LMNA: variants seen among roughly 807,000 people sequenced by gnomAD.
LMNA encodes lamin.
Under a neutral mutation model 70.4 loss-of-function variants are expected in LMNA, and 20 were observed. The ratio of observed to expected loss-of-function variants is 0.28; its 90% CI spans 0.20 to 0.41. The LOEUF is 0.41. Ranked by LOEUF, LMNA falls within the 10% of genes least tolerant of loss-of-function variation. The probability of loss-of-function intolerance (pLI) is 1.00; values close to 1 mark genes in which losing one functional copy is unlikely to be tolerated. For synonymous variants in LMNA, 339 were observed against 372.8 expected, an observed-to-expected ratio of 0.91 and a Z score of 1.04; for missense variants, 652 against 917.2, an observed-to-expected ratio of 0.71 and a Z score of 3.73.
At chr1:156,112,232 T>C (rs555879452), upstream of LMNA, among the ~76,000 whole-genome samples, 41 of 152,028 alleles carry the variant, frequency 2.7e-4, no homozygotes, top group Non-Finnish European at 4.3e-4. Context: ...TTGGGCAACA[T>C]AGCAAGGCTC....
rs201233721 is a variant in LMNA, at chr1:156,136,473, C to T, written c.1380+37C>T. On this transcript the variant is annotated intron_variant, in intron 7 of 11. Transcript: ENST00000368300. This position sits in a 1 kb window ranked among gnomAD's most constrained non-coding sequence, Gnocchi z 6.1. ...CTCAGGGTCTAAGGGGATACAGCTG[C>T]ATCAGGGAGAGAGTGGCAAGACAGA... 383 of 1,531,460 alleles carry T rather than the reference C, an allele frequency of 2.5e-4. No homozygotes were observed. The African/African-American group carries it at 4.6e-3, about 18-fold the overall frequency. The allele number at this position is 1,531,460 out of a possible 1,614,324, so 94.9% of individuals were successfully genotyped here.
At position 156,136,442 on chromosome 1, in the gene LMNA, C is replaced by A; in HGVS notation, c.1380+6C>A. The A allele has an allele frequency of 5.1e-6, 8 of 1,564,762 alleles. No homozygotes were observed. The highest frequency in any genetic ancestry group is 6.9e-6 in the Non-Finnish European group (8 of 1,155,258). Reference sequence around the variant, plus strand: ...TGCGCAACAAGTCCAATGAGGTAGGCTCCTGCTCAGGGTCTAAGGGGATAC... The same window carrying A: ...TGCGCAACAAGTCCAATGAGGTAGGATCCTGCTCAGGGTCTAAGGGGATAC... On this transcript the variant is annotated splice_donor_region_variant and intron_variant, in intron 7 of 11. Transcript: ENST00000368300. The surrounding 1 kb of genome is among the most constrained non-coding windows in gnomAD (Gnocchi z 6.1).
At chr1:156,131,071 A>T (rs1651024230) in intron 2 of LMNA, among the ~76,000 whole-genome samples, 2 of 152,086 alleles carry the variant, frequency 1.3e-5, no homozygotes, top group African/African-American at 4.8e-5. Flanking sequence ...GGAGATCGAG[A>T]TCATCCTGAC....
At chr1:156,093,728 GA>G (rs974748815) in intron 3 of LMNA, 14 of 152,318 alleles carry the variant, frequency 9.2e-5, no homozygotes, top group African/African-American at 3.4e-4. Context: ...AGCTCTTTGA[GA>G]ACAGGGATTG....
At chr1:156,120,619 G>T (rs139860915) in intron 1 of LMNA, among the ~76,000 whole-genome samples, 1 of 152,100 alleles carries the variant, frequency 6.6e-6, no homozygotes, top group East Asian at 1.9e-4. Flanking sequence ...AAGCTGAGGC[G>T]GGAGGATCAC....
chr1:156,131,010 G>A (rs1236883791), intron 2 of LMNA, among the ~76,000 whole-genome samples: 2 of 152,136 alleles, frequency 1.3e-5, no homozygotes, highest in Non-Finnish European at 2.9e-5. Flanking sequence ...GGTGGTTCAC[G>A]CCTGTAATCC....
rs1330702489 is a variant in LMNA at position 156,139,630 on chromosome 1, C to T, written c.*524C>T. On this transcript the variant is annotated 3_prime_UTR_variant, in exon 12 of 12. Transcript: ENST00000368300. ...GGACAGCTTGAGCCGGGCCCCTGGG[C>T]TTGGCCTGCTGTGATTCCACTACAC... is the stretch of plus-strand genomic sequence containing the variant. 1 of 1,451,106 alleles carries T rather than the reference C, an allele frequency of 6.9e-7. No homozygotes were observed. The highest frequency in any genetic ancestry group is 1.4e-5 in the African/African-American group (1 of 69,478). 89.9% of individuals were successfully genotyped at this position (1,451,106 alleles called of 1,614,324 possible). A position where few individuals can be genotyped will look rare whatever the true frequency, so the allele number is the denominator to read the frequency against.
In LMNA at chr1:156,138,095, A is replaced by G; in HGVS notation, c.1698+352A>G. On this transcript the variant is annotated intron_variant, in intron 10 of 11. Coordinates refer to ENST00000368300, the MANE Select transcript of LMNA (RefSeq NM_170707.4). The surrounding 1 kb of genome is among the most constrained non-coding windows in gnomAD (Gnocchi z 5.5). Reference sequence around the variant, plus strand: ...TCTCCCCCATTCTTGTTGCATGCATATCCTCTCATTTCCCTCATTTTTCCT... The same window carrying G: ...TCTCCCCCATTCTTGTTGCATGCATGTCCTCTCATTTCCCTCATTTTTCCT... The G allele has an allele frequency of 4.2e-6, 2 of 479,740 alleles. No homozygotes were observed. The highest frequency in any genetic ancestry group is 4.4e-5 in the South Asian group (2 of 45,920). 29.7% of individuals were successfully genotyped at this position (479,740 alleles called of 1,614,324 possible).
intron 1 of LMNA, among the ~76,000 whole-genome samples, chr1:156,125,331 C>G (rs1650477137): frequency 6.6e-6 from 1 of 152,072 alleles, no homozygotes; most frequent in African/African-American, 2.4e-5. Flanking sequence ...GTAGGAGTGG[C>G]TTGGGGTGGC....
rs1649777571 is a variant in LMNA at position 156,115,626 on chromosome 1, T to G, written c.356+352T>G. ...GGCTTGAGCAAAACAGAACTAGCCC[T>G]GCCAGCTCGAAGAACTCTGGGCACC... On this transcript the variant is annotated intron_variant, in intron 1 of 11. Transcript: ENST00000368300. The surrounding 1 kb of genome is among the most constrained non-coding windows in gnomAD (Gnocchi z 5.8). 1.3e-5 allele frequency among the ~76,000 whole-genome samples: 2 copies of G among 152,202 alleles called. No homozygotes were observed. The highest frequency in any genetic ancestry group is 4.8e-5 in the African/African-American group (2 of 41,450).
chr1:156,121,881 G>A (rs1043263309), intron 1 of LMNA, among the ~76,000 whole-genome samples: 7 of 152,030 alleles, frequency 4.6e-5, no homozygotes, highest in Admixed American at 1.3e-4. Context: ...CAAGCCGGGC[G>A]CAGTGGCTCA....
chr1:156,122,000 A>T (rs1268359367), intron 1 of LMNA, among the ~76,000 whole-genome samples: 1 of 152,128 alleles, frequency 6.6e-6, no homozygotes, highest in Non-Finnish European at 1.5e-5. Context: ...TACTAAAAAT[A>T]CAAAAATTAA....
Position 156,137,144 on chromosome 1 carries a change from G to GC in LMNA, c.1526dup (p.Thr510TyrfsTer42), listed in dbSNP as rs58013325. The stretch of plus-strand genomic sequence containing the variant: ...GCTGCAGGAGCTGGGGCCACCCACA[G>GC]CCCCCCTACCGACCTGGTGTGGAAG... On this transcript the variant is annotated frameshift_variant, in exon 9 of 12. Coordinates refer to ENST00000368300, the MANE Select transcript of LMNA (RefSeq NM_170707.4). LOFTEE classifies it high-confidence loss of function. The surrounding 1 kb of genome is among the most constrained non-coding windows in gnomAD (Gnocchi z 4.6). The GC allele has an allele frequency of 6.2e-7, 1 of 1,613,322 alleles. No individual in the cohort carries two copies. Among genetic ancestry groups the GC allele is most frequent in the Non-Finnish European group, 8.5e-7 (1 of 1,179,706 alleles).
Position 156,139,194 on chromosome 1 carries a change from G to T in LMNA, c.*88G>T. On this transcript the variant is annotated 3_prime_UTR_variant, in exon 12 of 12. Coordinates refer to ENST00000368300, the MANE Select transcript of LMNA (RefSeq NM_170707.4). Reference sequence around the variant, plus strand: ...ACCCCCTGCCCTGCACGTCATGGGAGGGGGCTTGAAGCCAAAGAAAAATAA... The same window carrying T: ...ACCCCCTGCCCTGCACGTCATGGGATGGGGCTTGAAGCCAAAGAAAAATAA... The T allele has an allele frequency of 1.2e-6, 2 of 1,604,090 alleles. No homozygotes were observed. The highest frequency in any genetic ancestry group is 2.2e-5 in the East Asian group (1 of 44,798).
chr1:156,126,594 C>A, intron 1 of LMNA: 1 of 881,428 alleles, frequency 1.1e-6, no homozygotes, highest in Non-Finnish European at 1.9e-6. Context: ...AGCTGGGGAG[C>A]CGGACTTCCT....
intron 1 of LMNA, among the ~76,000 whole-genome samples, chr1:156,123,903 G>C (rs187519272): frequency 6.6e-6 from 1 of 152,178 alleles, no homozygotes. Flanking sequence ...CTGGAGTTGC[G>C]TCTGAACATG....
At chr1:156,085,647 A>T (rs1459637566) in intron 2 of LMNA, among the ~76,000 whole-genome samples, 1 of 152,198 alleles carries the variant, frequency 6.6e-6, no homozygotes, top group East Asian at 1.9e-4. Flanking sequence ...TTAAAACTTC[A>T]TGGTGTCAGG....
In LMNA at chr1:156,101,972, T is replaced by C. The variant is rs182090777; in HGVS notation, c.-207+11390T>C. 2.7e-4 allele frequency among the ~76,000 whole-genome samples: 41 copies of C among 152,288 alleles called. No individual in the cohort carries two copies. In the East Asian group the frequency reaches 7.5e-3, roughly 28 times the overall value. On this transcript the variant is annotated intron_variant, in intron 3 of 12. Transcript: ENST00000368301. The stretch of plus-strand genomic sequence containing the variant: ...ATATCCAAGGAGTGATGATGAGTTA[T>C]GGATGCTTAGGAATCACTCCTGGTC...
chr1:156,122,284 A>T (rs1189087878), intron 1 of LMNA, among the ~76,000 whole-genome samples: 2 of 152,178 alleles, frequency 1.3e-5, no homozygotes, highest in East Asian at 3.9e-4. Context: ...GGCTTTCCTT[A>T]GCTGTAAAAG....
Sources: gnomAD v4.1 joint callset for allele counts (sites outside exome capture counted in the v4.1 genomes callset) on GRCh38, gnomAD v4.1.1 for gene constraint, Gnocchi (gnomAD v3.1) non-coding constraint, MANE v1.5 for transcripts, NCBI Gene and HGNC (gene_info 2026-07-23, HGNC 2026-07-21) for gene names.